Variants in DDX60L observed in about 807,000 individuals in gnomAD.
DDX60L encodes DExD/H-box 60 like.
DDX60L carries 191 observed loss-of-function variants against 211.6 expected under a neutral mutation model. That is an observed-to-expected ratio of 0.90 (90% CI 0.80 to 1.02). DDX60L has a LOEUF of 1.02. Among genes scored for constraint, DDX60L ranks in the 50% least tolerant of loss-of-function variants. The pLI is 0.00. For missense variants in DDX60L, 2,007 were observed against 1,984.1 expected (o/e 1.01, Z -0.22); for synonymous variants, 706 against 694.1 (o/e 1.02, Z -0.27).
chr4:168,368,994 A>G (rs1201757034), intron 36 of DDX60L, among the ~76,000 whole-genome samples: 3 of 152,224 alleles, frequency 2.0e-5, no homozygotes, highest in Non-Finnish European at 4.4e-5. Context: ...CTTGTATCAG[A>G]TAAGACATTG....
intron 9 of DDX60L, among the ~76,000 whole-genome samples, chr4:168,446,435 T>G (rs372491540): frequency 8.5e-5 from 13 of 152,204 alleles, no homozygotes; most frequent in Non-Finnish European, 1.6e-4. Context: ...GAATCAATAT[T>G]GTGAAAATGG....
At chr4:168,420,820 T>C (rs554780970) in intron 17 of DDX60L, among the ~76,000 whole-genome samples, 72 of 152,302 alleles carry the variant, frequency 4.7e-4, no homozygotes, top group African/African-American at 1.6e-3. Context: ...CCTAGTGCTC[T>C]CTCTGCCTGT....
At position 168,421,397 on chromosome 4, in the gene DDX60L, C is replaced by T. The variant is rs566021011; in HGVS notation, c.2394+363G>A. On this transcript the variant is annotated intron_variant, in intron 17 of 37. Coordinates refer to ENST00000682922, the MANE Select transcript of DDX60L (RefSeq NM_001012967.3). ...TTTCTTGGCCGGGCACGGTGGCTCACGCCTGTAATCCCAACACTTCAGGAG... is the reference window on the plus strand; with the variant it reads ...TTTCTTGGCCGGGCACGGTGGCTCATGCCTGTAATCCCAACACTTCAGGAG... Among the ~76,000 whole-genome samples the T allele has an allele frequency of 4.6e-5, 7 of 152,292 alleles. No individual in the cohort carries two copies. In the South Asian group the frequency reaches 8.3e-4, roughly 18 times the overall value.
intron 32 of DDX60L, among the ~76,000 whole-genome samples, 156 bp from the exon 33 acceptor site, chr4:168,378,631 G>A (rs1319581096): frequency 1.3e-5 from 2 of 152,012 alleles, no homozygotes; most frequent in Non-Finnish European, 2.9e-5. Context: ...AATACTATGT[G>A]CACATTTATT....
chr4:168,455,316 G>A (rs917565828), intron 7 of DDX60L, among the ~76,000 whole-genome samples: 4 of 120,806 alleles, frequency 3.3e-5, no homozygotes. Flanking sequence ...ATGCAAGCAG[G>A]GATGCATATA....
chr4:168,437,382 C>A (rs887066617), intron 10 of DDX60L, among the ~76,000 whole-genome samples: 1 of 152,108 alleles, frequency 6.6e-6, no homozygotes, highest in Non-Finnish European at 1.5e-5. Flanking sequence ...GAAAGTGATG[C>A]ATCTACAAGC....
At chr4:168,396,441 G>A (rs1300748635) in intron 26 of DDX60L, among the ~76,000 whole-genome samples, 1 of 152,118 alleles carries the variant, frequency 6.6e-6, no homozygotes. Context: ...CCAGAGCACA[G>A]TGGAAAAGCA....
intron 36 of DDX60L, among the ~76,000 whole-genome samples, chr4:168,364,724 C>T (rs1739675719): frequency 6.6e-6 from 1 of 152,170 alleles, no homozygotes; most frequent in East Asian, 1.9e-4. Flanking sequence ...TCAGAATGCA[C>T]ATTTTTCTCA....
At chr4:168,435,659 C>A (rs768235586) in intron 10 of DDX60L, among the ~76,000 whole-genome samples, 3 of 152,172 alleles carry the variant, frequency 2.0e-5, no homozygotes, top group Admixed American at 2.0e-4. Context: ...GAGCTATTTA[C>A]TTTCAGCTGG....
chr4:168,395,860 G>A (rs901188253), intron 27 of DDX60L, 99 bp downstream of exon 27: 1 of 806,144 alleles, frequency 1.2e-6, no homozygotes. Context: ...ATATTTCAAA[G>A]GTATTACACA....
rs1561116547 is a variant in DDX60L at position 168,458,024 on chromosome 4, A to C, written c.607-16T>G. On this transcript the variant is annotated splice_polypyrimidine_tract_variant and intron_variant, in intron 5 of 37. Coordinates refer to ENST00000682922, the MANE Select transcript of DDX60L (RefSeq NM_001012967.3). ...CTGTTTCATTCTGTAAAAGGGAGAA[A>C]ACCATATAAAATATCTTAAATAAAG... The C allele has an allele frequency of 7.2e-7, 1 of 1,386,612 alleles. No homozygotes were observed. Among genetic ancestry groups the C allele is most frequent in the Non-Finnish European group, 9.8e-7 (1 of 1,020,914 alleles). 85.9% of individuals were successfully genotyped at this position (1,386,612 alleles called of 1,614,324 possible). A position where few individuals can be genotyped will look rare whatever the true frequency, so the allele number is the denominator to read the frequency against.
At chr4:168,453,558 T>C (rs1290378908) in intron 7 of DDX60L, among the ~76,000 whole-genome samples, 1 of 152,060 alleles carries the variant, frequency 6.6e-6, no homozygotes, top group Non-Finnish European at 1.5e-5. Flanking sequence ...GACCCAGAGG[T>C]CTGAGGATTG....
chr4:168,436,450 A>C (rs534999338), intron 10 of DDX60L, among the ~76,000 whole-genome samples: 47 of 152,360 alleles, frequency 3.1e-4, no homozygotes, highest in African/African-American at 1.1e-3. Context: ...GTCTACGTTC[A>C]TGGAAAGCAC....
At chr4:168,448,557 G>A in intron 9 of DDX60L, 81 bp downstream of exon 9, 1 of 1,050,802 alleles carries the variant, frequency 9.5e-7, no homozygotes, top group Non-Finnish European at 1.4e-6. Flanking sequence ...CAAAAATGTT[G>A]CTGTGGTATG....
rs764992871 is a variant in DDX60L at position 168,472,532 on chromosome 4, T to C, written c.5-8A>G. The C allele has an allele frequency of 6.3e-7, 1 of 1,580,390 alleles. No individual in the cohort carries two copies. The highest frequency in any genetic ancestry group is 8.6e-7 in the Non-Finnish European group (1 of 1,161,784). The stretch of plus-strand genomic sequence containing the variant: ...CTGCATGATCCTTTGACCCTAAAAA[T>C]AAGGAGATTTTTTGAGCCATCAATA... On this transcript the variant is annotated splice_region_variant and splice_polypyrimidine_tract_variant and intron_variant, in intron 2 of 37. Transcript: ENST00000682922.
In DDX60L at chr4:168,448,675, C is replaced by A; in HGVS notation, c.1101G>T (p.Lys367Asn). The A allele has an allele frequency of 6.3e-7, 1 of 1,588,350 alleles. No homozygotes were observed. Among genetic ancestry groups the A allele is most frequent in the South Asian group, 1.1e-5 (1 of 89,358 alleles). Reference sequence around the variant, plus strand: ...CAAATTCATAGTAGAAGGCTATATTCTTTAACAATTGCTCATCATACAAGT... The same window carrying A: ...CAAATTCATAGTAGAAGGCTATATTATTTAACAATTGCTCATCATACAAGT... Reference protein sequence around the residue: ...VSDLYDEQLLKNIAFYYEFES... With the variant: ...VSDLYDEQLLNNIAFYYEFES... Residue 367 changes from lysine (K) to asparagine (N), a missense_variant, in exon 9 of 38, where the codon AAG becomes AAT. Transcript: ENST00000682922.
At chr4:168,436,351 A>G (rs1377906334) in intron 10 of DDX60L, among the ~76,000 whole-genome samples, 1 of 152,220 alleles carries the variant, frequency 6.6e-6, no homozygotes, top group African/African-American at 2.4e-5. Flanking sequence ...TTGGACTTAC[A>G]GAACCCGTAT....
Position 168,471,908 on chromosome 4 carries a change from C to A in DDX60L, c.103G>T (p.Glu35Ter). ...CCATCAATCACAAAAAAATTAGATT[C>A]CACAAAATCATTTAATATGCTGGAA... ...GYSSILNDFVESNFFVIDGDS... is the reference protein window; with the variant it reads ...GYSSILNDFV Residue 35 changes from glutamate to a stop codon, truncating the protein, a stop_gained, in exon 4 of 38, where the codon GAA (glutamate) becomes TAA (stop). Transcript: ENST00000682922. LOFTEE classifies it high-confidence loss of function. The A allele has an allele frequency of 6.2e-7, 1 of 1,607,642 alleles. No homozygotes were observed. The highest frequency in any genetic ancestry group is 8.5e-7 in the Non-Finnish European group (1 of 1,178,056).
At position 168,472,475 on chromosome 4, in the gene DDX60L, C is replaced by G. The variant is rs1393432652; in HGVS notation, c.54G>C (p.Leu18Phe). Residue 18 changes from leucine to phenylalanine, a missense_variant, in exon 3 of 38, where the codon TTG (leucine) becomes TTC (phenylalanine). Transcript: ENST00000682922. The part of the protein sequence containing the change: ...VFFREMTQLI[L>F]NEMPKAGYSS... ...CTTACCCAGCTTTTGGCATTTCATT[C>G]AAAATTAACTGTGTCATTTCCCTGA... 1.3e-6 allele frequency: 2 copies of G among 1,569,150 alleles called. No homozygotes were observed. The highest frequency in any genetic ancestry group is 1.7e-6 in the Non-Finnish European group (2 of 1,155,798).
Sources: gnomAD v4.1 joint callset for allele counts (sites outside exome capture counted in the v4.1 genomes callset) on GRCh38, gnomAD v4.1.1 for gene constraint, MANE v1.5 for transcripts, NCBI Gene and HGNC (gene_info 2026-07-23, HGNC 2026-07-21) for gene names.